CD96: variants seen among roughly 807,000 people sequenced by gnomAD.
CD96 encodes the protein CD96 molecule.
CD96 carries 70 observed loss-of-function variants against 71.3 expected under a neutral mutation model. That is an observed-to-expected ratio of 0.98 (90% CI 0.81 to 1.20). The LOEUF is 1.20. CD96 is among the 50% of genes most tolerant of loss of function. The probability of loss-of-function intolerance (pLI) is 0.00; values close to 1 mark genes in which losing one functional copy is unlikely to be tolerated. For missense variants in CD96, 742 were observed against 677.5 expected (o/e 1.10, Z -1.06); for synonymous variants, 248 against 233.0 (o/e 1.06, Z -0.59).
rs7645842 is a variant in CD96 at position 111,618,645 on chromosome 3, C to A, written c.1181-5109C>A. 1.1e-3 allele frequency among the ~76,000 whole-genome samples: 152 copies of A among 143,692 alleles called. 1 individual carries two copies. Among genetic ancestry groups the A allele is most frequent in the Middle Eastern group, 7.6e-3 (2 of 262 alleles). The allele number at this position is 143,692 out of a possible 152,430, so 94.3% of individuals were successfully genotyped here. A position where few individuals can be genotyped will look rare whatever the true frequency, so the allele number is the denominator to read the frequency against. On this transcript the variant is annotated intron_variant, in intron 8 of 13. Transcript: ENST00000352690. The stretch of plus-strand genomic sequence containing the variant: ...TGTTGCCCAGGCTGGAGTACAGTGG[C>A]ACGATCTCAGCTCACTGCAAGCTCC...
chr3:111,553,475 A>ATC (rs1934831405), intron 2 of CD96, among the ~76,000 whole-genome samples: 1 of 136,980 alleles, frequency 7.3e-6, no homozygotes. Flanking sequence ...TAGATGATGC[A>ATC]TAGTTATATG....
intron 2 of CD96, among the ~76,000 whole-genome samples, chr3:111,548,438 G>T (rs929348680): frequency 6.6e-6 from 1 of 152,036 alleles, no homozygotes; most frequent in African/African-American, 2.4e-5. Flanking sequence ...CCTCTTTTTC[G>T]CTTTCACTTG....
intron 8 of CD96, among the ~76,000 whole-genome samples, chr3:111,622,819 T>C (rs1938576707): frequency 6.6e-6 from 1 of 152,260 alleles, no homozygotes; most frequent in Non-Finnish European, 1.5e-5. Flanking sequence ...ATACTGTTTT[T>C]ATCTTATTAT....
intron 10 of CD96, among the ~76,000 whole-genome samples, chr3:111,625,084 C>T (rs533315667): frequency 1.3e-4 from 20 of 152,276 alleles, no homozygotes; most frequent in African/African-American, 4.8e-4. Context: ...AGACTCTTTG[C>T]CACAAAGCGT....
chr3:111,634,960 G>C (rs1412072358), intron 10 of CD96: 1 of 152,636 alleles, frequency 6.6e-6, no homozygotes, highest in African/African-American at 2.4e-5. Flanking sequence ...CTTTAAAAGG[G>C]CATACAAATT....
chr3:111,656,779 T>G (rs1234148320), downstream of CD96, among the ~76,000 whole-genome samples: 1 of 152,138 alleles, frequency 6.6e-6, no homozygotes, highest in African/African-American at 2.4e-5. Flanking sequence ...ATATGCTACC[T>G]TTGTGTAAGA....
intron 10 of CD96, among the ~76,000 whole-genome samples, chr3:111,627,611 G>A (rs1938838726): frequency 1.3e-5 from 2 of 152,194 alleles, no homozygotes; most frequent in Non-Finnish European, 2.9e-5. Context: ...ATTGGGTGCT[G>A]AAGAGATCTC....
chr3:111,555,405 A>T (rs1934943920), intron 2 of CD96, among the ~76,000 whole-genome samples: 1 of 152,298 alleles, frequency 6.6e-6, no homozygotes, highest in Admixed American at 6.5e-5. Flanking sequence ...TTCGTGTAAG[A>T]CAAATCTACT....
intron 14 of CD96, among the ~76,000 whole-genome samples, chr3:111,657,375 G>A (rs1039474271): frequency 3.1e-4 from 47 of 151,554 alleles, no homozygotes; most frequent in Admixed American, 2.7e-3. Context: ...CTATCACACC[G>A]CTGCACTCCA....
intron 5 of CD96, chr3:111,594,030 A>G: frequency 6.2e-7 from 1 of 1,614,102 alleles, no homozygotes; most frequent in Non-Finnish European, 8.5e-7. Flanking sequence ...AAATATTCCC[A>G]TGCCTCAGAG....
intron 10 of CD96, among the ~76,000 whole-genome samples, chr3:111,631,669 AG>A (rs1939069545): frequency 6.6e-6 from 1 of 152,298 alleles, no homozygotes; most frequent in South Asian, 2.1e-4. Context: ...CAAATAGCCA[AG>A]GCAACCCAAA....
intron 3 of CD96, among the ~76,000 whole-genome samples, chr3:111,574,312 CATG>C (rs1434974058): frequency 6.6e-6 from 1 of 152,154 alleles, no homozygotes; most frequent in Non-Finnish European, 1.5e-5. Context: ...TTAGCGCACA[CATG>C]ATGCTCAAAA....
intron 8 of CD96, among the ~76,000 whole-genome samples, chr3:111,613,023 G>C (rs1938034401): frequency 6.6e-6 from 1 of 151,982 alleles, no homozygotes; most frequent in Non-Finnish European, 1.5e-5. Flanking sequence ...GGGAAATTCT[G>C]TTTATTGTAT....
intron 8 of CD96, among the ~76,000 whole-genome samples, chr3:111,618,457 C>T (rs189154119): frequency 7.9e-5 from 12 of 152,170 alleles, no homozygotes; most frequent in Admixed American, 5.9e-4. Context: ...TCATACTGTC[C>T]AGTTTGAGAA....
Position 111,567,524 on chromosome 3 carries a change from T to C in CD96, c.420T>C (p.Val140=). 1 of 1,606,274 alleles carries C rather than the reference T, an allele frequency of 6.2e-7. No homozygotes were observed. The part of the protein sequence containing the change: ...KIYNLLIQTH[V]TADEWNSNHT... ...TTTCTACCTTATGTTTTGTTACAGTTACAGCAGATGAATGGAACAGCAACC... is the reference window on the plus strand; with the variant it reads ...TTTCTACCTTATGTTTTGTTACAGTCACAGCAGATGAATGGAACAGCAACC... Residue 140 remains valine, a splice_region_variant and synonymous_variant, in exon 3 of 14, where the codon GTT becomes GTC. Transcript: ENST00000352690.
intron 3 of CD96, among the ~76,000 whole-genome samples, chr3:111,573,618 A>G (rs1257208920): frequency 6.8e-6 from 1 of 146,484 alleles, no homozygotes; most frequent in Non-Finnish European, 1.6e-5. Context: ...AAAGAAATTC[A>G]CGATTTTTCT....
In CD96 at chr3:111,553,622, G is replaced by A. The variant is rs568710849; in HGVS notation, c.418+8220G>A. Among the ~76,000 whole-genome samples the A allele has an allele frequency of 1.1e-3, 171 of 151,922 alleles. No individual in the cohort carries two copies. The Middle Eastern group carries it at 0.021, about 18-fold the overall frequency. On this transcript the variant is annotated intron_variant, in intron 2 of 13. Coordinates refer to ENST00000352690, the MANE Select transcript of CD96 (RefSeq NM_005816.5). ...ATTAGCTTAAGTATTTCTATAAAGA[G>A]AAACTTCCTCTCATCAACTTATTAT...
chr3:111,612,685 T>C (rs1415582380), intron 8 of CD96: 1 of 156,076 alleles, frequency 6.4e-6, no homozygotes, highest in African/African-American at 2.4e-5. Flanking sequence ...TGAGTCCTGC[T>C]GCCTCAAAGA....
At chr3:111,665,236 T>G (rs904287704) in intron 14 of CD96, among the ~76,000 whole-genome samples, 1 of 152,026 alleles carries the variant, frequency 6.6e-6, no homozygotes. Flanking sequence ...CTTTTGCAAC[T>G]TTTTTTGAAG....
Sources: allele counts gnomAD v4.1 joint callset (sites outside exome capture counted in the v4.1 genomes callset), GRCh38; gene constraint gnomAD v4.1.1; transcripts MANE v1.5; gene names NCBI Gene and HGNC (gene_info 2026-07-23, HGNC 2026-07-21).